DMBT1: variants seen among roughly 807,000 people sequenced by gnomAD.
DMBT1 encodes scavenger receptor cysteine-rich domain-containing protein DMBT1.
DMBT1 carries 198 observed loss-of-function variants against 252.9 expected under a neutral mutation model. That is an observed-to-expected ratio of 0.78 (90% confidence interval 0.70 to 0.88). DMBT1 has a LOEUF of 0.88. DMBT1 is among the 40% of genes least tolerant of loss of function. The pLI, the probability that DMBT1 is intolerant of heterozygous loss-of-function variation, is 0.00. For missense variants in DMBT1, 2,432 were observed against 2,404.7 expected (o/e 1.01, Z -0.24); for synonymous variants, 990 against 942.7 (o/e 1.05, Z -0.92).
Position 122,636,098 on chromosome 10 carries a change from C to T in DMBT1, c.6656C>T (p.Ser2219Phe). 1.2e-6 allele frequency: 2 copies of T among 1,613,984 alleles called. No individual in the cohort carries two copies. The highest frequency in any genetic ancestry group is 1.7e-6 in the Non-Finnish European group (2 of 1,179,878). The change falls in exon 53 of 56, where the codon TCT becomes TTT. Residue 2219 changes from serine (S) to phenylalanine (F), a missense_variant. Ser to Phe is a radical substitution (Grantham distance 155). Transcript: ENST00000338354. ...VCDGARGSFT[S>F]SSNFMSIRFI... ...GATGGGGCCAGAGGCTCCTTCACTT[C>T]TTCCTCCAACTTCATGTCCATTCGC...
At chr10:122,638,575 G>A (rs1000989129) in intron 54 of DMBT1, among the ~76,000 whole-genome samples, 8 of 152,170 alleles carry the variant, frequency 5.3e-5, no homozygotes, top group Admixed American at 1.3e-4. Context: ...CAGAGTAGCT[G>A]GGACTATAGG....
At chr10:122,573,065 A>C (rs2097679712) in intron 5 of DMBT1, among the ~76,000 whole-genome samples, 1 of 152,204 alleles carries the variant, frequency 6.6e-6, no homozygotes. Context: ...AGAAACCTAC[A>C]AGGACACTGT....
rs776283769 is a variant in DMBT1, at chr10:122,617,218, C to A, written c.4859-10C>A. The stretch of plus-strand genomic sequence containing the variant: ...CTAATTCTGTCTTTTTTCTTTGTTG[C>A]TATTTACAGACACTTGGCCAACCTC... On this transcript the variant is annotated splice_polypyrimidine_tract_variant and intron_variant, in intron 39 of 55. Transcript: ENST00000338354. 1.4e-5 allele frequency: 22 copies of A among 1,608,978 alleles called. 3 individuals are homozygous for A. The South Asian group carries it at 2.3e-4, about 17-fold the overall frequency.
In DMBT1 at chr10:122,599,904, G is replaced by A. The variant is rs555757330; in HGVS notation, c.3281-160G>A. On this transcript the variant is annotated intron_variant, in intron 26 of 55. Coordinates refer to ENST00000338354, the MANE Select transcript of DMBT1 (RefSeq NM_001377530.1). ...CAGGATCTGCCTCGACCCCTTACAT[G>A]GTGCATCTCTGTGGGGATGTGCATG... Among the ~76,000 whole-genome samples the A allele has an allele frequency of 2.6e-5, 4 of 152,220 alleles. No individual in the cohort carries two copies. The South Asian group carries it at 6.2e-4, about 24-fold the overall frequency.
chr10:122,617,938 G>A, intron 40 of DMBT1, 79 bp from the exon 41 acceptor site: 1 of 1,589,562 alleles, frequency 6.3e-7, no homozygotes, highest in Non-Finnish European at 8.6e-7. Context: ...CCATTAGGAA[G>A]TACCCTGAGT....
chr10:122,631,923 C>T, intron 50 of DMBT1, 48 bp downstream of exon 50: 1 of 1,596,098 alleles, frequency 6.3e-7, no homozygotes, highest in Non-Finnish European at 8.6e-7. Context: ...CCAGGTCTCT[C>T]CATTACTGCT....
chr10:122,622,801 T>C (rs1035949561), intron 44 of DMBT1, among the ~76,000 whole-genome samples: 9 of 152,198 alleles, frequency 5.9e-5, no homozygotes, highest in African/African-American at 2.2e-4. Context: ...GATGCTACTT[T>C]TTAAAATAGG....
At chr10:122,643,084 G>A in intron 55 of DMBT1, 38 bp from the exon 56 acceptor site, 5 of 1,599,874 alleles carry the variant, frequency 3.1e-6, no homozygotes, top group African/African-American at 1.3e-5. Flanking sequence ...GAAGAATCGG[G>A]CCTTGGTGAG....
At chr10:122,617,339 C>T (rs376011895) in intron 40 of DMBT1, 79 bp downstream of exon 40, 58 of 1,508,308 alleles carry the variant, frequency 3.8e-5, no homozygotes, top group Middle Eastern at 1.7e-4. Context: ...GGATGAGGCT[C>T]AAGGTGGGCC....
chr10:122,590,571 A>G (rs2097841853), intron 17 of DMBT1, 94 bp from the exon 18 acceptor site: 1 of 1,422,312 alleles, frequency 7.0e-7, no homozygotes. Flanking sequence ...CATAGGGTGG[A>G]CTGAAGGCGC....
At chr10:122,571,001 T>C in intron 4 of DMBT1, 64 bp downstream of exon 4, 2 of 1,563,482 alleles carry the variant, frequency 1.3e-6, no homozygotes, top group Non-Finnish European at 1.8e-6. Flanking sequence ...GGTTCATCTC[T>C]GATTCAGACG....
chr10:122,564,324 C>T (rs1409716137), intron 1 of DMBT1, among the ~76,000 whole-genome samples: 1 of 152,142 alleles, frequency 6.6e-6, no homozygotes, highest in Non-Finnish European at 1.5e-5. Context: ...ATCTGAAGAG[C>T]CGGGCATGGT....
At chr10:122,643,024 A>G in intron 55 of DMBT1, 98 bp from the exon 56 acceptor site, 2 of 1,485,492 alleles carry the variant, frequency 1.3e-6, no homozygotes, top group Non-Finnish European at 1.8e-6. Flanking sequence ...AGGCAGGGGC[A>G]GTGAGGACAG....
Position 122,572,376 on chromosome 10 carries a change from G to C in DMBT1, c.235+15G>C. 9 of 1,612,142 alleles carry C rather than the reference G, an allele frequency of 5.6e-6. No individual in the cohort carries two copies. Among genetic ancestry groups the C allele is most frequent in the Non-Finnish European group, 6.8e-6 (8 of 1,178,494 alleles). On this transcript the variant is annotated intron_variant, in intron 5 of 55. Coordinates refer to ENST00000338354, the MANE Select transcript of DMBT1 (RefSeq NM_001377530.1). ...CGTAGCAGAAGGTAACGTCTACTATGGGGGAGCTCTATGGGCTCATTACCC... is the reference window on the plus strand; with the variant it reads ...CGTAGCAGAAGGTAACGTCTACTATCGGGGAGCTCTATGGGCTCATTACCC...
At chr10:122,598,090 A>T (rs878901587) in intron 25 of DMBT1, 78 bp downstream of exon 25, 2 of 1,601,858 alleles carry the variant, frequency 1.2e-6, no homozygotes, top group South Asian at 2.2e-5. Flanking sequence ...TGATAGGATG[A>T]GGGTCAAGGT....
Position 122,630,420 on chromosome 10 carries a change from C to G in DMBT1, c.5955C>G (p.Thr1985=). Residue 1985 remains threonine, a synonymous_variant, in exon 48 of 56, where the codon ACC becomes ACG. Coordinates refer to ENST00000338354, the MANE Select transcript of DMBT1 (RefSeq NM_001377530.1). ...QIFTSSYNRM[T]IHFRSDISFQ... The stretch of plus-strand genomic sequence containing the variant: ...TTACATCTTCTTACAACCGAATGAC[C>G]ATTCACTTTCGAAGTGACATCAGTT... 1 of 1,613,972 alleles carries G rather than the reference C, an allele frequency of 6.2e-7. No individual in the cohort carries two copies. The highest frequency in any genetic ancestry group is 8.5e-7 in the Non-Finnish European group (1 of 1,179,896).
At chr10:122,617,378 G>T in intron 40 of DMBT1, 118 bp downstream of exon 40, 2 of 1,293,488 alleles carry the variant, frequency 1.5e-6, no homozygotes, top group Non-Finnish European at 2.2e-6. Context: ...TGTGGGTTGG[G>T]TGGGAGGAAG....
chr10:122,592,172 A>G lies in DMBT1; in HGVS notation c.2177-100A>G, dbSNP rs562734575. The G allele has an allele frequency of 3.3e-6, 5 of 1,515,502 alleles. No homozygotes were observed. In the African/African-American group the frequency reaches 6.8e-5, roughly 21 times the overall value. The allele number at this position is 1,515,502 out of a possible 1,614,324, so 93.9% of individuals were successfully genotyped here. ...CGTATTCAATCGTGACTGCTTGTCC[A>G]GGCGACCTTGGCCATTAGGAAGTAC... On this transcript the variant is annotated intron_variant, in intron 19 of 55. Coordinates refer to ENST00000338354, the MANE Select transcript of DMBT1 (RefSeq NM_001377530.1).
intron 4 of DMBT1, 75 bp from the exon 5 acceptor site, chr10:122,572,239 C>A: frequency 1.3e-6 from 2 of 1,589,174 alleles, no homozygotes; most frequent in Non-Finnish European, 1.7e-6. Context: ...TTGCTTCAGA[C>A]CTGAGGAAGC....
Sources: allele counts gnomAD v4.1 joint callset (sites outside exome capture counted in the v4.1 genomes callset), GRCh38; gene constraint gnomAD v4.1.1; transcripts MANE v1.5; gene names NCBI Gene and HGNC (gene_info 2026-07-23, HGNC 2026-07-21).